Variants in CLDN14 observed in about 807,000 individuals in gnomAD.
CLDN14 encodes the protein claudin 14.
In CLDN14, 2 loss-of-function variants were observed where a neutral mutation model predicts 2.1. The observed-to-expected ratio is 0.96, with a 90% CI of 0.39 to 3.01. The LOEUF (loss-of-function observed/expected upper bound fraction) is 3.01, where lower values mean the gene tolerates loss of function less well. CLDN14 is among the 30% of genes most tolerant of loss of function. CLDN14 has a pLI of 0.09. For missense variants in CLDN14, 298 were observed against 328.0 expected (o/e 0.91, Z 0.71); for synonymous variants, 136 against 154.4 (o/e 0.88, Z 0.88).
At chr21:36,516,794 T>A (rs1452644098) in intron 1 of CLDN14, among the ~76,000 whole-genome samples, 1 of 152,176 alleles carries the variant, frequency 6.6e-6, no homozygotes, top group African/African-American at 2.4e-5. Flanking sequence ...AAAGTTAAAT[T>A]CTGATTGTCC....
chr21:36,476,505 C>A (rs1041580406), intron 1 of CLDN14, among the ~76,000 whole-genome samples: 1 of 151,100 alleles, frequency 6.6e-6, no homozygotes, highest in Non-Finnish European at 1.5e-5. Flanking sequence ...CAGGCCGGAG[C>A]GCGGTGGTGC....
chr21:36,540,714 G>A (rs2146510252), intron 1 of CLDN14, among the ~76,000 whole-genome samples: 1 of 152,302 alleles, frequency 6.6e-6, no homozygotes, highest in South Asian at 2.1e-4. Flanking sequence ...TAAGAGTGGT[G>A]AATTCAGGGT....
At chr21:36,469,672 A>G (rs1425219170) in intron 1 of CLDN14, among the ~76,000 whole-genome samples, 3 of 152,240 alleles carry the variant, frequency 2.0e-5, no homozygotes, top group Non-Finnish European at 4.4e-5. Context: ...GTTAAATGCT[A>G]ACAGAGGCTA....
At chr21:36,474,751 C>CTT (rs2086753896) in intron 1 of CLDN14, among the ~76,000 whole-genome samples, 1 of 152,082 alleles carries the variant, frequency 6.6e-6, no homozygotes, top group South Asian at 2.1e-4. Context: ...GTTTGCATGC[C>CTT]TGAGGAAATG....
chr21:36,479,158 C>T (rs965892168), intron 1 of CLDN14, among the ~76,000 whole-genome samples: 4 of 152,156 alleles, frequency 2.6e-5, no homozygotes, highest in Admixed American at 2.0e-4. Context: ...TGAGCTGTGG[C>T]CTCAAAACAC....
rs1002328288 is a variant in CLDN14, at chr21:36,551,006, G to A, written c.-220+25405C>T. ...GAAGCAGGCACCAGGGGAAGGCCAC[G>A]TGAAGAGGGAGGCAGAGACTGCAGT... is the stretch of plus-strand genomic sequence containing the variant. On this transcript the variant is annotated intron_variant, in intron 1 of 2. Coordinates refer to the CLDN14 transcript ENST00000342108. The surrounding 1 kb of genome is among the most constrained non-coding windows in gnomAD (Gnocchi z 4.8). Among the ~76,000 whole-genome samples the A allele has an allele frequency of 3.9e-5, 6 of 152,216 alleles. No individual in the cohort carries two copies. The highest frequency in any genetic ancestry group is 1.2e-4 in the African/African-American group (5 of 41,454).
At chr21:36,555,235 C>T (rs900516867) in intron 1 of CLDN14, among the ~76,000 whole-genome samples, 1 of 152,160 alleles carries the variant, frequency 6.6e-6, no homozygotes, top group Non-Finnish European at 1.5e-5. Context: ...GGAGGGGTTT[C>T]AAGCGAATTG....
intron 1 of CLDN14, among the ~76,000 whole-genome samples, chr21:36,528,922 G>A (rs1311831184): frequency 1.3e-5 from 2 of 152,102 alleles, no homozygotes; most frequent in African/African-American, 4.8e-5. Context: ...AGGAGGACGC[G>A]AGCTCGGCTG....
chr21:36,489,999 T>C (rs2086944623), intron 2 of CLDN14, among the ~76,000 whole-genome samples: 1 of 152,134 alleles, frequency 6.6e-6, no homozygotes, highest in Non-Finnish European at 1.5e-5. Context: ...TGCAAGGTCT[T>C]CTCCACTCCC....
intron 1 of CLDN14, among the ~76,000 whole-genome samples, chr21:36,552,314 C>A (rs79034657): frequency 6.6e-6 from 1 of 152,214 alleles, no homozygotes. Context: ...AAGACGCATG[C>A]ACTTTTGCTG....
In CLDN14 at chr21:36,501,332, C is replaced by CTTTTTTTTTTTTTTT. The variant is rs58458004; in HGVS notation, c.-82+9016_-82+9030dup. 5.2e-4 allele frequency among the ~76,000 whole-genome samples: 25 copies of CTTTTTTTTTTTTTTT among 48,444 alleles called. 8 individuals are homozygous for CTTTTTTTTTTTTTTT. The highest frequency in any genetic ancestry group is 7.7e-4 in the Non-Finnish European group (18 of 23,302). 31.8% of individuals were successfully genotyped at this position (48,444 alleles called of 152,430 possible). ...AATGGGAGTTTCAGTCAATATCTCACTTTTTTTTTTTTTTTTTTTTTTTTT... is the reference window on the plus strand; with the variant it reads ...AATGGGAGTTTCAGTCAATATCTCACTTTTTTTTTTTTTTTTTTTTTTTTTTTTTTTTTTTTTTTT... On this transcript the variant is annotated intron_variant, in intron 2 of 2. Transcript: ENST00000342108.
intron 1 of CLDN14, chr21:36,526,465 C>A (rs1277880603): frequency 6.6e-6 from 1 of 152,190 alleles, no homozygotes. Context: ...ATCTGCTCCT[C>A]AATCTTCAAA....
At chr21:36,548,730 C>T (rs377777) in intron 1 of CLDN14, among the ~76,000 whole-genome samples, 74,146 of 152,000 alleles carry the variant, frequency 0.49, 20,178 homozygotes, top group Non-Finnish European at 0.61. Flanking sequence ...CGATGACCCC[C>T]TGGGATTGGT....
intron 1 of CLDN14, among the ~76,000 whole-genome samples, chr21:36,530,770 C>CG (rs1444220217): frequency 2.6e-5 from 4 of 151,994 alleles, no homozygotes; most frequent in Non-Finnish European, 5.9e-5. Context: ...CAGATGTACC[C>CG]GGGGGAGTTT....
In CLDN14 at chr21:36,461,292, G is replaced by C; in HGVS notation, c.404C>G (p.Ala135Gly). 6.2e-7 allele frequency: 1 copy of C among 1,613,712 alleles called. No individual in the cohort carries two copies. Among genetic ancestry groups the C allele is most frequent in the Non-Finnish European group, 8.5e-7 (1 of 1,180,014 alleles). The part of the protein sequence containing the change: ...FILAGLLCMV[A>G]VSWTTNDVVQ... Reference sequence around the variant, plus strand: ...CACGTCGTTGGTGGTCCAGGAGACGGCCACCATGCACAGGAGGCCGGCCAG... The same window carrying C: ...CACGTCGTTGGTGGTCCAGGAGACGCCCACCATGCACAGGAGGCCGGCCAG... Residue 135 changes from alanine to glycine, a missense_variant, in exon 2 of 2, where the codon GCC becomes GGC. Physicochemically the swap from Ala to Gly is moderately conservative, Grantham distance 60. Coordinates refer to ENST00000399135, the MANE Select transcript of CLDN14 (RefSeq NM_001146079.2).
chr21:36,519,055 A>G (rs1453483070), intron 1 of CLDN14, among the ~76,000 whole-genome samples: 3 of 152,166 alleles, frequency 2.0e-5, no homozygotes, highest in African/African-American at 7.2e-5. Flanking sequence ...CTGGTTTTTC[A>G]CATCCTCCAC....
intron 2 of CLDN14, among the ~76,000 whole-genome samples, chr21:36,506,512 G>A (rs929087829): frequency 4.0e-5 from 6 of 151,596 alleles, no homozygotes; most frequent in East Asian, 3.9e-4. Flanking sequence ...CAGGAGAATC[G>A]TTTGAACCGG....
chr21:36,503,651 C>T (rs954227049), intron 2 of CLDN14, among the ~76,000 whole-genome samples: 5 of 152,148 alleles, frequency 3.3e-5, no homozygotes, highest in African/African-American at 1.2e-4. Context: ...ATTGCCCAGT[C>T]TTGGGTATGT....
upstream of CLDN14, among the ~76,000 whole-genome samples, chr21:36,483,085 C>T (rs562673916): frequency 4.2e-4 from 64 of 152,326 alleles, no homozygotes; most frequent in Non-Finnish European, 8.1e-4. Flanking sequence ...GGGTTTGAAC[C>T]GAGCACACTG....
Sources: allele counts gnomAD v4.1 joint callset (sites outside exome capture counted in the v4.1 genomes callset), GRCh38; gene constraint gnomAD v4.1.1; non-coding constraint Gnocchi (gnomAD v3.1); transcripts MANE v1.5; gene names NCBI Gene and HGNC (gene_info 2026-07-23, HGNC 2026-07-21).